Variants in LRRC8C observed in about 807,000 individuals in gnomAD.
LRRC8C encodes the protein volume-regulated anion channel subunit LRRC8C.
A neutral mutation model predicts 55.3 loss-of-function variants in LRRC8C; 20 were observed. The ratio of observed to expected loss-of-function variants is 0.36; its 90% CI spans 0.25 to 0.53. The LOEUF is 0.53. Among genes scored for constraint, LRRC8C ranks in the 20% least tolerant of loss-of-function variants. The pLI is 0.92. For synonymous variants in LRRC8C, 376 were observed against 360.7 expected (o/e 1.04, Z -0.48); for missense variants, 659 against 951.4 (o/e 0.69, Z 4.04).
rs532530541 is a variant in LRRC8C, at chr1:89,642,926, G to A, written c.-5+9604G>A. Reference sequence around the variant, plus strand: ...CCAGCTACTCAGGAGGCTGAGACATGAAAATCACTTGAACCTTGGAGGTGG... The same window carrying A: ...CCAGCTACTCAGGAGGCTGAGACATAAAAATCACTTGAACCTTGGAGGTGG... On this transcript the variant is annotated intron_variant, in intron 1 of 2. Transcript: ENST00000370454. 1.0e-3 allele frequency among the ~76,000 whole-genome samples: 154 copies of A among 149,226 alleles called. 1 individual carries two copies. The highest frequency in any genetic ancestry group is 1.9e-3 in the Non-Finnish European group (129 of 67,710).
In LRRC8C at chr1:89,683,917, A is replaced by C. The variant is rs1215951123; in HGVS notation, c.-4-2553A>C. Among the ~76,000 whole-genome samples the C allele has an allele frequency of 2.0e-5, 3 of 152,200 alleles. No individual in the cohort carries two copies. The East Asian group carries it at 5.8e-4, about 29-fold the overall frequency. ...CATATTATATCATAATAGATTGCAGAAGCAGATATATCTTCTATTCAGCTG... is the reference window on the plus strand; with the variant it reads ...CATATTATATCATAATAGATTGCAGCAGCAGATATATCTTCTATTCAGCTG... On this transcript the variant is annotated intron_variant, in intron 1 of 2. Coordinates refer to ENST00000370454, the MANE Select transcript of LRRC8C (RefSeq NM_032270.5).
At chr1:89,704,334 C>T (rs562427690) in intron 2 of LRRC8C, among the ~76,000 whole-genome samples, 1 of 152,212 alleles carries the variant, frequency 6.6e-6, no homozygotes, top group East Asian at 1.9e-4. Flanking sequence ...TAGCAAAACT[C>T]CCTACATGCA....
intron 2 of LRRC8C, among the ~76,000 whole-genome samples, chr1:89,701,959 A>G (rs1339871037): frequency 6.6e-6 from 1 of 152,184 alleles, no homozygotes; most frequent in Non-Finnish European, 1.5e-5. Context: ...AAGCAAGATA[A>G]GAGACTGGAG....
the LRRC8C span, among the ~76,000 whole-genome samples, chr1:89,616,280 T>A: frequency 3.3e-5 from 5 of 152,112 alleles, no homozygotes; most frequent in African/African-American, 1.2e-4. Context: ...CACTAGCAGG[T>A]CTTCTGGAAG....
At chr1:89,692,535 T>C (rs916075404) in intron 2 of LRRC8C, among the ~76,000 whole-genome samples, 2 of 152,230 alleles carry the variant, frequency 1.3e-5, no homozygotes. Flanking sequence ...CTTGCACTTA[T>C]GTAAAAGGAT....
chr1:89,626,503 T>TG, the LRRC8C span: 1 of 152,228 alleles, frequency 6.6e-6, no homozygotes, highest in Admixed American at 6.5e-5. Context: ...TTAGGATATA[T>TG]ACCACTTTTG....
At chr1:89,708,445 AAG>A (rs1253056837) in intron 2 of LRRC8C, 7 of 152,164 alleles carry the variant, frequency 4.6e-5, no homozygotes, top group African/African-American at 1.7e-4. Context: ...GGTAAAGAAA[AAG>A]AAACGTGAAG....
At chr1:89,694,980 G>A (rs888082217) in intron 2 of LRRC8C, among the ~76,000 whole-genome samples, 4 of 148,598 alleles carry the variant, frequency 2.7e-5, no homozygotes, top group Non-Finnish European at 4.4e-5. Context: ...GGAGTGCAGT[G>A]GCTCAATCTT....
intron 1 of LRRC8C, among the ~76,000 whole-genome samples, chr1:89,654,992 G>A (rs1352871816): frequency 6.6e-6 from 1 of 151,266 alleles, no homozygotes; most frequent in Admixed American, 6.6e-5. Flanking sequence ...ACAGGCATGA[G>A]CCACCATGCC....
chr1:89,620,929 T>A, the LRRC8C span, among the ~76,000 whole-genome samples: 1 of 152,238 alleles, frequency 6.6e-6, no homozygotes, highest in East Asian at 1.9e-4. Context: ...GTGAAAATGG[T>A]TGCATGGGAT....
rs1658855539 is a variant in LRRC8C, at chr1:89,717,294, C to T, written c.*2312C>T. On this transcript the variant is annotated 3_prime_UTR_variant, in exon 3 of 3. Coordinates refer to ENST00000370454, the MANE Select transcript of LRRC8C (RefSeq NM_032270.5). ...AATTTATAGTTATTTTCTATATTAC[C>T]CTTCAAAAGGGATCTCTTCAGGTTA... 6.6e-6 allele frequency: 1 copy of T among 151,978 alleles called. No individual in the cohort carries two copies. Among genetic ancestry groups the T allele is most frequent in the East Asian group, 1.9e-4 (1 of 5,194 alleles). The allele number at this position is 151,978 out of a possible 1,614,324, so 9.4% of individuals were successfully genotyped here.
intron 1 of LRRC8C, among the ~76,000 whole-genome samples, chr1:89,645,886 A>G (rs1419678409): frequency 2.6e-5 from 4 of 152,128 alleles, no homozygotes; most frequent in Non-Finnish European, 5.9e-5. Context: ...ATAAAAATAT[A>G]GCATTGAAAT....
intron 1 of LRRC8C, among the ~76,000 whole-genome samples, chr1:89,670,372 C>G (rs753826153): frequency 9.8e-5 from 15 of 152,288 alleles, no homozygotes. Flanking sequence ...ATTTTCTCTT[C>G]GAAGTTGATG....
In LRRC8C at chr1:89,642,842, A is replaced by G. The variant is rs548986033; in HGVS notation, c.-5+9520A>G. Among the ~76,000 whole-genome samples, 20 of 94,724 alleles carry G rather than the reference A, an allele frequency of 2.1e-4. No homozygotes were observed. The South Asian group carries it at 5.6e-3, about 27-fold the overall frequency. 62.1% of individuals were successfully genotyped at this position (94,724 alleles called of 152,430 possible). The stretch of plus-strand genomic sequence containing the variant: ...AGCCTGGGCGACAGAGCAAGACTCC[A>G]TCTCAAAAAAAAAAAAAATACAAAA... On this transcript the variant is annotated intron_variant, in intron 1 of 2. Transcript: ENST00000370454.
intron 1 of LRRC8C, among the ~76,000 whole-genome samples, chr1:89,665,520 A>T (rs1214351269): frequency 6.6e-6 from 1 of 152,202 alleles, no homozygotes; most frequent in African/African-American, 2.4e-5. Flanking sequence ...AAAATATAAT[A>T]ATTTAATAGC....
chr1:89,651,208 T>C (rs1408666618), intron 1 of LRRC8C, among the ~76,000 whole-genome samples: 5 of 152,194 alleles, frequency 3.3e-5, no homozygotes, highest in African/African-American at 1.2e-4. Context: ...CAAACTGTTT[T>C]GGTATGGCCC....
chr1:89,618,180 G>C, the LRRC8C span, among the ~76,000 whole-genome samples: 19 of 152,246 alleles, frequency 1.2e-4, no homozygotes, highest in East Asian at 3.1e-3. Flanking sequence ...TGGTCTTTCT[G>C]GTAACCAGCC....
chr1:89,671,955 C>T lies in LRRC8C; in HGVS notation c.-4-14515C>T, dbSNP rs1055522291. Among the ~76,000 whole-genome samples the T allele has an allele frequency of 5.9e-5, 9 of 152,096 alleles. No homozygotes were observed. In the East Asian group the frequency reaches 1.7e-3, roughly 29 times the overall value. On this transcript the variant is annotated intron_variant, in intron 1 of 2. Coordinates refer to ENST00000370454, the MANE Select transcript of LRRC8C (RefSeq NM_032270.5). Reference sequence around the variant, plus strand: ...CATCTAAGAGCATGTCATGTGTTGCCCTCCTTGTCTCAGATCATCTGGACT... The same window carrying T: ...CATCTAAGAGCATGTCATGTGTTGCTCTCCTTGTCTCAGATCATCTGGACT...
At chr1:89,627,569 A>C in the LRRC8C span, among the ~76,000 whole-genome samples, 9 of 152,302 alleles carry the variant, frequency 5.9e-5, no homozygotes, top group South Asian at 1.9e-3. Context: ...TGAAATACTG[A>C]AAAAGTACAT....
Sources: allele counts gnomAD v4.1 joint callset (sites outside exome capture counted in the v4.1 genomes callset), GRCh38; gene constraint gnomAD v4.1.1; transcripts MANE v1.5; gene names NCBI Gene and HGNC (gene_info 2026-07-23, HGNC 2026-07-21).